EPHB1: variants seen among roughly 807,000 people sequenced by gnomAD.
The protein encoded by EPHB1 is EPH receptor B1, also known as ephrin type-B receptor 1.
In EPHB1, 30 loss-of-function variants were observed where a neutral mutation model predicts 94.4. The observed-to-expected ratio is 0.32, with a 90% CI of 0.24 to 0.43. The LOEUF (loss-of-function observed/expected upper bound fraction) is 0.43, where lower values mean the gene tolerates loss of function less well. Ranked by LOEUF, EPHB1 falls within the 20% of genes least tolerant of loss-of-function variation. The pLI, the probability that EPHB1 is intolerant of heterozygous loss-of-function variation, is 1.00. For synonymous variants in EPHB1, 522 were observed against 489.1 expected, an observed-to-expected ratio of 1.07 and a Z score of -0.89; for missense variants, 1,055 against 1,308.3, an observed-to-expected ratio of 0.81 and a Z score of 2.99.
intron 1 of EPHB1, among the ~76,000 whole-genome samples, chr3:134,805,710 C>T (rs2036030564): frequency 6.6e-6 from 1 of 152,182 alleles, no homozygotes. Flanking sequence ...TCTGGGTCTG[C>T]ACCTGCTTGC....
At chr3:135,154,399 C>A in intron 6 of EPHB1, 123 bp downstream of exon 6, 1 of 1,382,104 alleles carries the variant, frequency 7.2e-7, no homozygotes. Flanking sequence ...GTGACAGAGG[C>A]CAGAAGGTCC....
chr3:135,101,062 G>A (rs1398481434), intron 3 of EPHB1, among the ~76,000 whole-genome samples: 2 of 152,110 alleles, frequency 1.3e-5, no homozygotes, highest in Non-Finnish European at 1.5e-5. Flanking sequence ...TTCTCTTAAG[G>A]AAACAAGGCA....
chr3:135,218,978 T>C (rs1235786468), intron 12 of EPHB1, among the ~76,000 whole-genome samples: 1 of 152,206 alleles, frequency 6.6e-6, no homozygotes, highest in Non-Finnish European at 1.5e-5. Flanking sequence ...ACACAGACTC[T>C]GCTTGCTCAG....
Position 135,184,985 on chromosome 3 carries a change from T to C in EPHB1, c.1882+5003T>C, listed in dbSNP as rs75645023. Reference sequence around the variant, plus strand: ...TCCTGGGTGCAGTGTGAAACCTGTATAACTGTATGCAACAGCCTAAGCATG... The same window carrying C: ...TCCTGGGTGCAGTGTGAAACCTGTACAACTGTATGCAACAGCCTAAGCATG... On this transcript the variant is annotated intron_variant, in intron 10 of 15. Coordinates refer to ENST00000398015, the MANE Select transcript of EPHB1 (RefSeq NM_004441.5). Among the ~76,000 whole-genome samples the C allele has an allele frequency of 1.7e-3, 259 of 152,372 alleles. 1 individual carries two copies. Among genetic ancestry groups the C allele is most frequent in the African/African-American group, 6.1e-3 (252 of 41,590 alleles).
At chr3:135,058,656 C>T (rs1937410070) in intron 3 of EPHB1, among the ~76,000 whole-genome samples, 1 of 152,224 alleles carries the variant, frequency 6.6e-6, no homozygotes, top group Non-Finnish European at 1.5e-5. Context: ...CTAACATCCC[C>T]AGCATGTGAA....
At chr3:135,175,173 T>C (rs987648540) in intron 9 of EPHB1, among the ~76,000 whole-genome samples, 1 of 152,216 alleles carries the variant, frequency 6.6e-6, no homozygotes, top group Non-Finnish European at 1.5e-5. Flanking sequence ...CTGGCTCTTA[T>C]AAAGGGTCTC....
At chr3:134,920,362 G>A (rs908492118) in intron 1 of EPHB1, among the ~76,000 whole-genome samples, 3 of 152,196 alleles carry the variant, frequency 2.0e-5, no homozygotes, top group Non-Finnish European at 2.9e-5. Context: ...CGTAATAGCA[G>A]CTTTGTTCTT....
intron 4 of EPHB1, among the ~76,000 whole-genome samples, chr3:135,126,812 G>C (rs1028140562): frequency 2.0e-5 from 3 of 152,110 alleles, no homozygotes; most frequent in African/African-American, 7.2e-5. Context: ...TTAGGTATGG[G>C]CTCCTACATC....
chr3:135,191,117 G>A (rs1215434895), intron 10 of EPHB1, among the ~76,000 whole-genome samples: 1 of 151,428 alleles, frequency 6.6e-6, no homozygotes, highest in African/African-American at 2.4e-5. Flanking sequence ...GAGGAAGGAA[G>A]GAAGGGAGGG....
chr3:135,099,120 TATC>T (rs1485717091), intron 3 of EPHB1, among the ~76,000 whole-genome samples: 1 of 139,966 alleles, frequency 7.1e-6, no homozygotes, highest in Non-Finnish European at 1.6e-5. Flanking sequence ...TTATTATTAT[TATC>T]ATCACAGCTT....
At chr3:135,252,978 AT>A (rs1933194115) in intron 15 of EPHB1, among the ~76,000 whole-genome samples, 2 of 148,792 alleles carry the variant, frequency 1.3e-5, no homozygotes, top group Non-Finnish European at 3.0e-5. Flanking sequence ...GATGGTGAGC[AT>A]TTTTTCATGT....
At chr3:135,154,016 TC>T in intron 5 of EPHB1, 135 bp from the exon 6 acceptor site, 1 of 1,222,738 alleles carries the variant, frequency 8.2e-7, no homozygotes, top group Non-Finnish European at 1.2e-6. Context: ...GTTCTGCAGG[TC>T]CAGCTCAGCT....
chr3:135,038,174 CAT>C (rs1226160996), intron 3 of EPHB1, among the ~76,000 whole-genome samples: 3 of 152,202 alleles, frequency 2.0e-5, no homozygotes, highest in African/African-American at 7.2e-5. Context: ...GCTTATATAA[CAT>C]GTGTGAGTTT....
intron 1 of EPHB1, among the ~76,000 whole-genome samples, chr3:134,911,391 G>A (rs979033443): frequency 6.6e-6 from 1 of 152,214 alleles, no homozygotes; most frequent in Non-Finnish European, 1.5e-5. Context: ...GGCCAAGGCT[G>A]GGCAGTTAGG....
chr3:135,247,434 G>A (rs1188754632), intron 13 of EPHB1, among the ~76,000 whole-genome samples: 1 of 152,090 alleles, frequency 6.6e-6, no homozygotes, highest in African/African-American at 2.4e-5. Flanking sequence ...CATTATGGGT[G>A]TACCATAATA....
chr3:135,252,665 A>G (rs371134859), intron 15 of EPHB1, among the ~76,000 whole-genome samples: 1 of 144,804 alleles, frequency 6.9e-6, no homozygotes, highest in Non-Finnish European at 1.5e-5. Context: ...GAATAATGCC[A>G]CAATAAACAT....
At chr3:135,042,537 TA>T (rs1936884660) in intron 3 of EPHB1, among the ~76,000 whole-genome samples, 1 of 152,212 alleles carries the variant, frequency 6.6e-6, no homozygotes, top group African/African-American at 2.4e-5. Flanking sequence ...GAGTGTCCTA[TA>T]TTTTTATTTG....
intron 1 of EPHB1, among the ~76,000 whole-genome samples, chr3:134,878,559 T>C (rs903112710): frequency 6.6e-6 from 1 of 152,214 alleles, no homozygotes; most frequent in African/African-American, 2.4e-5. Flanking sequence ...CTGTCTCTGC[T>C]ATGGCTTCCT....
chr3:135,178,635 C>T (rs1306359291), intron 9 of EPHB1, among the ~76,000 whole-genome samples: 1 of 151,992 alleles, frequency 6.6e-6, no homozygotes, highest in Non-Finnish European at 1.5e-5. Flanking sequence ...AAAACTAGAG[C>T]TGGGGGTCAC....
Sources: gnomAD v4.1 joint callset for allele counts (sites outside exome capture counted in the v4.1 genomes callset) on GRCh38, gnomAD v4.1.1 for gene constraint, MANE v1.5 for transcripts, NCBI Gene and HGNC (gene_info 2026-07-23, HGNC 2026-07-21) for gene names.